The following PRG4 variants were observed in gnomAD, a reference collection of about 807,000 sequenced individuals.
PRG4 encodes the protein proteoglycan 4.
In PRG4, 61 loss-of-function variants were observed where a neutral mutation model predicts 91.2. The ratio of observed to expected loss-of-function variants is 0.67; its 90% CI spans 0.54 to 0.83. The LOEUF is 0.83. PRG4 is among the 40% of genes least tolerant of loss of function. The pLI, the probability that PRG4 is intolerant of heterozygous loss-of-function variation, is 0.00. For missense variants in PRG4, 1,564 were observed against 1,714.2 expected (o/e 0.91, Z 1.55); for synonymous variants, 576 against 614.2 (o/e 0.94, Z 0.92).
At position 186,308,961 on chromosome 1, in the gene PRG4, A is replaced by G; in HGVS notation, c.3242A>G (p.Gln1081Arg). The G allele has an allele frequency of 6.2e-7, 1 of 1,606,662 alleles. No homozygotes were observed. The highest frequency in any genetic ancestry group is 1.1e-5 in the South Asian group (1 of 90,166). Residue 1081 changes from glutamine (Q) to arginine (R), a missense_variant, in exon 7 of 13, where the codon CAA becomes CGA. This residue lies in a region of PRG4 where 1,079 missense variants were observed against 1,162.2 expected (regional missense o/e 0.93). Transcript: ENST00000445192. ...AMLQTTTRPNQTPNSKLVEVN... is the reference protein window; with the variant it reads ...AMLQTTTRPNRTPNSKLVEVN... ...CTCCAAACCACCACCAGACCTAACC[A>G]AACTCCAAACTCCAAACTAGTTGAA...
intron 6 of PRG4, 88 bp from the exon 7 acceptor site, chr1:186,306,230 A>C: frequency 9.1e-7 from 1 of 1,100,748 alleles, no homozygotes; most frequent in African/African-American, 1.6e-5. Context: ...GAAACACACA[A>C]CTAGTCAATG....
At chr1:186,312,639 C>T (rs1328320764) in intron 11 of PRG4, 130 bp from the exon 12 acceptor site, 3 of 993,908 alleles carry the variant, frequency 3.0e-6, no homozygotes, top group Non-Finnish European at 4.7e-6. Context: ...ACATTATATA[C>T]CAGTCTATAA....
In PRG4 at chr1:186,312,839, A is replaced by C; in HGVS notation, c.4062A>C (p.Ile1354=). The change falls in exon 12 of 13, where the codon ATA becomes ATC. Residue 1354 remains isoleucine, a synonymous_variant. Transcript: ENST00000445192. ...TTCCAAATGTGGTTACCTCAGCTAT[A>C]TCACTGCCCAACATCAGAAAACCTG... ...RGLPNVVTSA[I]SLPNIRKPDG... 1 of 1,612,150 alleles carries C rather than the reference A, an allele frequency of 6.2e-7. No individual in the cohort carries two copies. Among genetic ancestry groups the C allele is most frequent in the Non-Finnish European group, 8.5e-7 (1 of 1,178,240 alleles).
chr1:186,299,979 C>G (rs1456381390), intron 2 of PRG4, 112 bp from the exon 3 acceptor site: 20 of 1,318,708 alleles, frequency 1.5e-5, no homozygotes, highest in Non-Finnish European at 2.2e-5. Context: ...ATTCCAACAC[C>G]TTCTCGATCA....
intron 7 of PRG4, among the ~76,000 whole-genome samples, chr1:186,309,546 T>C (rs995382490): frequency 6.6e-6 from 1 of 152,218 alleles, no homozygotes; most frequent in Non-Finnish European, 1.5e-5. Flanking sequence ...CTAGTTTACA[T>C]GAAAATCAAG....
At position 186,312,311 on chromosome 1, in the gene PRG4, T is replaced by C; in HGVS notation, c.3930T>C (p.Pro1310=). 1 of 1,612,566 alleles carries C rather than the reference T, an allele frequency of 6.2e-7. No homozygotes were observed. The highest frequency in any genetic ancestry group is 1.1e-5 in the South Asian group (1 of 90,684). The change falls in exon 11 of 13, where the codon CCT becomes CCC. Residue 1310 remains proline (P), a synonymous_variant. Coordinates refer to ENST00000445192, the MANE Select transcript of PRG4 (RefSeq NM_005807.6). ...RRRRFERAIG[P]SQTHTIRIQY... ...GTCGCTTTGAACGTGCTATAGGACC[T>C]TCTCAAACACACACCATCAGAATTC...
At chr1:186,299,814 T>A (rs1299192740) in intron 2 of PRG4, among the ~76,000 whole-genome samples, 4 of 152,190 alleles carry the variant, frequency 2.6e-5, no homozygotes, top group African/African-American at 4.8e-5. Context: ...AGCTGCCACC[T>A]CTTCCTTAGG....
In PRG4 at chr1:186,306,366, C is replaced by A. The variant is rs748382563; in HGVS notation, c.647C>A (p.Pro216Gln). ...NRTKKKPTPK[P>Q]PVVDEAGSGL... is the part of the protein sequence containing the mutation. Reference sequence around the variant, plus strand: ...ACTAAAAAGAAACCTACCCCCAAACCACCAGTTGTAGATGAAGCTGGAAGT... The same window carrying A: ...ACTAAAAAGAAACCTACCCCCAAACAACCAGTTGTAGATGAAGCTGGAAGT... Residue 216 changes from proline (P) to glutamine (Q), a missense_variant, in exon 7 of 13, where the codon CCA becomes CAA. By Grantham distance (76) the Pro-to-Gln change is moderately conservative. Around this residue, in one of 3 missense-constraint regions of PRG4, gnomAD observed 437 missense variants for 459.0 expected, o/e 0.95. Transcript: ENST00000445192. 1 of 1,610,894 alleles carries A rather than the reference C, an allele frequency of 6.2e-7. No homozygotes were observed. The highest frequency in any genetic ancestry group is 2.2e-5 in the East Asian group (1 of 44,858).
At chr1:186,301,906 G>A (rs528917425) in intron 4 of PRG4, among the ~76,000 whole-genome samples, 195 bp downstream of exon 4, 1 of 152,308 alleles carries the variant, frequency 6.6e-6, no homozygotes, top group Admixed American at 6.5e-5. Context: ...GAACCCCCAG[G>A]CTCAGCCAGG....
intron 8 of PRG4, among the ~76,000 whole-genome samples, chr1:186,310,086 A>G (rs1431892304): frequency 7.9e-6 from 1 of 126,968 alleles, no homozygotes. Flanking sequence ...AACTGATACT[A>G]CTGAGGTTTT....
At chr1:186,311,732 T>C (rs965812140) in intron 10 of PRG4, 136 bp downstream of exon 10, 3 of 942,810 alleles carry the variant, frequency 3.2e-6, no homozygotes, top group African/African-American at 1.7e-5. Flanking sequence ...AAAATCAATA[T>C]TGAGGGTAGT....
rs767915239 is a variant in PRG4 at position 186,311,622 on chromosome 1, T to C, written c.3793+26T>C. 9 of 1,604,812 alleles carry C rather than the reference T, an allele frequency of 5.6e-6. No individual in the cohort carries two copies. The South Asian group carries it at 6.6e-5, about 12-fold the overall frequency. ...GTATGTGTTACATAATTGACAAGATTACAAAACTTTTAAAGAATTACACTC... is the reference window on the plus strand; with the variant it reads ...GTATGTGTTACATAATTGACAAGATCACAAAACTTTTAAAGAATTACACTC... On this transcript the variant is annotated intron_variant, in intron 10 of 12. Coordinates refer to ENST00000445192, the MANE Select transcript of PRG4 (RefSeq NM_005807.6).
chr1:186,313,936 A>G lies in PRG4; in HGVS notation c.*158A>G, dbSNP rs774219309. On this transcript the variant is annotated 3_prime_UTR_variant, in exon 13 of 13. Transcript: ENST00000445192. ...ATCATTACACTAAAACAGATTTGAT[A>G]ATCTTATTCACAGTTGTTATTGTTT... is the stretch of plus-strand genomic sequence containing the variant. 1 of 1,598,806 alleles carries G rather than the reference A, an allele frequency of 6.3e-7. No homozygotes were observed. The highest frequency in any genetic ancestry group is 8.6e-7 in the Non-Finnish European group (1 of 1,167,790).
At chr1:186,298,616 G>C (rs946291548) in intron 2 of PRG4, among the ~76,000 whole-genome samples, 1 of 151,430 alleles carries the variant, frequency 6.6e-6, no homozygotes, top group South Asian at 2.1e-4. Context: ...TCAGCCTCCC[G>C]AGTAGCTGGG....
At position 186,306,609 on chromosome 1, in the gene PRG4, C is replaced by A; in HGVS notation, c.890C>A (p.Ser297Ter). 1 of 1,613,490 alleles carries A rather than the reference C, an allele frequency of 6.2e-7. No homozygotes were observed. Among genetic ancestry groups the A allele is most frequent in the Non-Finnish European group, 8.5e-7 (1 of 1,179,616 alleles). The change falls in exon 7 of 13, where the codon TCA (serine) becomes TAA (stop). Residue 297 changes from serine to a stop codon, truncating the protein, a stop_gained. Transcript: ENST00000445192. LOFTEE classifies it high-confidence loss of function. ...KETTTTNKQT[S>*]TDGKEKTTSA... ...ACTACTACAACAAATAAACAGACTTCAACTGATGGAAAAGAGAAGACTACT... is the reference window on the plus strand; with the variant it reads ...ACTACTACAACAAATAAACAGACTTAAACTGATGGAAAAGAGAAGACTACT...
chr1:186,306,581 G>GA lies in PRG4; in HGVS notation c.865dup (p.Thr289AsnfsTer6). ...TAAAGAGACAACAGTTGAAACTAAAGAAACTACTACAACAAATAAACAGAC... is the reference window on the plus strand; with the variant it reads ...TAAAGAGACAACAGTTGAAACTAAAGAAAACTACTACAACAAATAAACAGAC... On this transcript the variant is annotated frameshift_variant, in exon 7 of 13. Transcript: ENST00000445192. LOFTEE classifies it high-confidence loss of function. The GA allele has an allele frequency of 6.2e-7, 1 of 1,613,408 alleles. No individual in the cohort carries two copies. The highest frequency in any genetic ancestry group is 8.5e-7 in the Non-Finnish European group (1 of 1,179,638).
chr1:186,300,618 A>G (rs1330648842), intron 3 of PRG4, among the ~76,000 whole-genome samples: 2 of 152,250 alleles, frequency 1.3e-5, no homozygotes, highest in Non-Finnish European at 2.9e-5. Flanking sequence ...CAATAGTTTC[A>G]TCAAAAGAAT....
In PRG4 at chr1:186,313,954, T is replaced by C. The variant is rs1360015256; in HGVS notation, c.*176T>C. ...ATTTGATAATCTTATTCACAGTTGT[T>C]ATTGTTTACAGACCATTTAATTAAT... On this transcript the variant is annotated 3_prime_UTR_variant, in exon 13 of 13. Coordinates refer to ENST00000445192, the MANE Select transcript of PRG4 (RefSeq NM_005807.6). 1.2e-6 allele frequency: 2 copies of C among 1,610,160 alleles called. No individual in the cohort carries two copies. Among genetic ancestry groups the C allele is most frequent in the Non-Finnish European group, 1.7e-6 (2 of 1,177,518 alleles).
In PRG4 at chr1:186,308,447, G is replaced by A; in HGVS notation, c.2728G>A (p.Glu910Lys). The A allele has an allele frequency of 6.2e-7, 1 of 1,613,892 alleles. No individual in the cohort carries two copies. Among genetic ancestry groups the A allele is most frequent in the Non-Finnish European group, 8.5e-7 (1 of 1,180,032 alleles). ...TTKTPAATKP[E>K]MTTTAKDKTT... ...TAAGACTCCTGCAGCGACTAAACCT[G>A]AAATGACTACAACAGCTAAAGACAA... Residue 910 changes from glutamate to lysine, a missense_variant, in exon 7 of 13, where the codon GAA becomes AAA. By Grantham distance (56) the Glu-to-Lys change is moderately conservative. Transcript: ENST00000445192.
Sources: gnomAD v4.1 joint callset for allele counts (sites outside exome capture counted in the v4.1 genomes callset) on GRCh38, gnomAD v4.1.1 for gene constraint, gnomAD v4.1.1 regional missense constraint, MANE v1.5 for transcripts, NCBI Gene and HGNC (gene_info 2026-07-23, HGNC 2026-07-21) for gene names.